MBNL1: variants seen among roughly 807,000 people sequenced by gnomAD.
The protein encoded by MBNL1 is muscleblind like splicing regulator 1.
In MBNL1, 8 loss-of-function variants were observed where a neutral mutation model predicts 42.2. The ratio of observed to expected loss-of-function variants is 0.19; its 90% CI spans 0.11 to 0.34. The LOEUF (loss-of-function observed/expected upper bound fraction) is 0.34, where lower values mean the gene tolerates loss of function less well. Among genes scored for constraint, MBNL1 ranks in the 10% least tolerant of loss-of-function variants. The pLI, the probability that MBNL1 is intolerant of heterozygous loss-of-function variation, is 1.00. For missense variants in MBNL1, 309 were observed against 495.3 expected (o/e 0.62, Z 3.57); for synonymous variants, 169 against 173.9 (o/e 0.97, Z 0.22).
intron 1 of MBNL1, among the ~76,000 whole-genome samples, chr3:152,271,446 C>T (rs1490944529): frequency 6.6e-6 from 1 of 152,160 alleles, no homozygotes; most frequent in African/African-American, 2.4e-5. Context: ...TTGCATTTGT[C>T]ACTGTTGCCA....
At chr3:152,378,564 A>G (rs1249491541) in intron 2 of MBNL1, among the ~76,000 whole-genome samples, 2 of 152,134 alleles carry the variant, frequency 1.3e-5, no homozygotes, top group Non-Finnish European at 2.9e-5. Context: ...ATCTTTTTAA[A>G]TGTACTTATA....
At chr3:152,339,468 C>T (rs1232412478) in intron 2 of MBNL1, among the ~76,000 whole-genome samples, 1 of 151,636 alleles carries the variant, frequency 6.6e-6, no homozygotes, top group Non-Finnish European at 1.5e-5. Context: ...TTCAGTGCCC[C>T]CTTCCTTTTC....
chr3:152,383,584 G>A (rs373132920), intron 2 of MBNL1, among the ~76,000 whole-genome samples: 1 of 151,994 alleles, frequency 6.6e-6, no homozygotes, highest in Non-Finnish European at 1.5e-5. Context: ...ATCAACAAAG[G>A]TTTCTTATGC....
At chr3:152,273,710 C>G (rs1451028440) in intron 1 of MBNL1, among the ~76,000 whole-genome samples, 1 of 151,994 alleles carries the variant, frequency 6.6e-6, no homozygotes, top group Non-Finnish European at 1.5e-5. Flanking sequence ...ACCAGTTATT[C>G]CAAAAAGGTG....
At chr3:152,450,069 C>G (rs1265163351) in intron 6 of MBNL1, among the ~76,000 whole-genome samples, 1 of 148,102 alleles carries the variant, frequency 6.8e-6, no homozygotes, top group African/African-American at 2.5e-5. Context: ...TCACTGCACT[C>G]CAGCTTGGGC....
At chr3:152,260,538 T>A (rs1285031365) in intron 2 of MBNL1, among the ~76,000 whole-genome samples, 1 of 152,174 alleles carries the variant, frequency 6.6e-6, no homozygotes, top group Admixed American at 6.5e-5. Flanking sequence ...CATAATTACA[T>A]GTATGAGTAT....
chr3:152,303,055 A>G (rs1205677954), intron 2 of MBNL1, among the ~76,000 whole-genome samples: 1 of 152,080 alleles, frequency 6.6e-6, no homozygotes, highest in East Asian at 1.9e-4. Context: ...ACAGTTCAAG[A>G]AAGTATTCAT....
intron 2 of MBNL1, among the ~76,000 whole-genome samples, chr3:152,409,605 C>G (rs1348267524): frequency 6.6e-6 from 1 of 152,122 alleles, no homozygotes; most frequent in East Asian, 1.9e-4. Context: ...AAAAGGAAAT[C>G]TTGGTTTTAA....
At chr3:152,406,277 T>G (rs192156349) in intron 2 of MBNL1, among the ~76,000 whole-genome samples, 1 of 152,202 alleles carries the variant, frequency 6.6e-6, no homozygotes, top group East Asian at 1.9e-4. Flanking sequence ...GAAAAAAAAG[T>G]GAGACTTTCT....
At chr3:152,446,999 T>G (rs1233219205) in intron 5 of MBNL1, among the ~76,000 whole-genome samples, 1 of 152,164 alleles carries the variant, frequency 6.6e-6, no homozygotes, top group African/African-American at 2.4e-5. Flanking sequence ...TTAACTACAT[T>G]GTAGAATGTT....
chr3:152,318,075 G>A (rs1485396878), intron 2 of MBNL1, among the ~76,000 whole-genome samples: 3 of 152,134 alleles, frequency 2.0e-5, no homozygotes, highest in African/African-American at 4.8e-5. Context: ...GAAAATTGAT[G>A]GTCAACCTTA....
rs565526587 is a variant in MBNL1 at position 152,414,397 on chromosome 3, A to G, written c.175-544A>G. ...ACACATGGGAGTTTTCTTCTTTTCA[A>G]TTGTAAATTCCTAATACATGGACTG... On this transcript the variant is annotated intron_variant, in intron 2 of 9. Coordinates refer to ENST00000324210, the MANE Select transcript of MBNL1 (RefSeq NM_021038.5). Among the ~76,000 whole-genome samples the G allele has an allele frequency of 5.9e-5, 9 of 152,322 alleles. No homozygotes were observed. In the South Asian group the frequency reaches 1.7e-3, roughly 28 times the overall value.
intron 2 of MBNL1, among the ~76,000 whole-genome samples, chr3:152,353,629 T>C (rs1259624103): frequency 2.0e-5 from 3 of 151,412 alleles, no homozygotes; most frequent in Admixed American, 2.0e-4. Flanking sequence ...TGTCATATCT[T>C]AGGCATATTA....
At chr3:152,303,291 G>A (rs2061495845) in intron 2 of MBNL1, among the ~76,000 whole-genome samples, 2 of 152,156 alleles carry the variant, frequency 1.3e-5, no homozygotes, top group Admixed American at 6.5e-5. Context: ...AACGAGAACA[G>A]TAAAAGAGCA....
In MBNL1 at chr3:152,424,636, G is replaced by T. The variant is rs189864275; in HGVS notation, c.346-8081G>T. On this transcript the variant is annotated intron_variant, in intron 3 of 9. Coordinates refer to ENST00000324210, the MANE Select transcript of MBNL1 (RefSeq NM_021038.5). The stretch of plus-strand genomic sequence containing the variant: ...CTGTATAGCCAAGACAATCCTAAGC[G>T]AAAAGAACAAAGCTGGAGGCATCAC... 2.0e-5 allele frequency among the ~76,000 whole-genome samples: 3 copies of T among 150,236 alleles called. No homozygotes were observed. The East Asian group carries it at 5.8e-4, about 29-fold the overall frequency.
intron 2 of MBNL1, among the ~76,000 whole-genome samples, chr3:152,359,379 G>T (rs1193985489): frequency 2.0e-5 from 3 of 152,048 alleles, no homozygotes; most frequent in Non-Finnish European, 4.4e-5. Flanking sequence ...ACAATTCTTA[G>T]TTGACTCCTG....
chr3:152,335,194 A>G, intron 2 of MBNL1: 5 of 1,289,726 alleles, frequency 3.9e-6, no homozygotes, highest in Non-Finnish European at 5.1e-6. Context: ...TATCTTATCT[A>G]TGGAAGATAA....
intron 6 of MBNL1, among the ~76,000 whole-genome samples, chr3:152,449,870 C>T (rs1236715241): frequency 1.3e-5 from 2 of 151,952 alleles, no homozygotes; most frequent in Admixed American, 6.6e-5. Context: ...TTTGGGAGGC[C>T]GAGGCAGGTG....
chr3:152,287,739 A>G (rs183840700), intron 1 of MBNL1, among the ~76,000 whole-genome samples: 17 of 152,330 alleles, frequency 1.1e-4, no homozygotes, highest in Admixed American at 4.6e-4. Flanking sequence ...CTACGATTGC[A>G]TTCTGATTTG....
Sources: allele counts gnomAD v4.1 joint callset (sites outside exome capture counted in the v4.1 genomes callset), GRCh38; gene constraint gnomAD v4.1.1; transcripts MANE v1.5; gene names NCBI Gene and HGNC (gene_info 2026-07-23, HGNC 2026-07-21).